Variants in PTPRD observed in about 807,000 individuals in gnomAD.
The protein encoded by PTPRD is receptor-type tyrosine-protein phosphatase delta.
A neutral mutation model predicts 214.5 loss-of-function variants in PTPRD; 34 were observed. The ratio of observed to expected loss-of-function variants is 0.16; its 90% CI spans 0.12 to 0.21. PTPRD has a LOEUF of 0.21. Ranked by LOEUF, PTPRD falls within the 10% of genes least tolerant of loss-of-function variation. The probability of loss-of-function intolerance (pLI) is 1.00; values close to 1 mark genes in which losing one functional copy is unlikely to be tolerated. For missense variants in PTPRD, 2,545 were observed against 2,398.7 expected (o/e 1.06, Z -1.27); for synonymous variants, 1,128 against 845.7 (o/e 1.33, Z -5.79).
chr9:10,216,621 T>A (rs2099542336), intron 3 of PTPRD, among the ~76,000 whole-genome samples: 1 of 152,022 alleles, frequency 6.6e-6, no homozygotes, highest in Non-Finnish European at 1.5e-5. Context: ...ATGTTTCTCC[T>A]ATAAATCCAC....
intron 14 of PTPRD, among the ~76,000 whole-genome samples, chr9:8,583,275 C>G (rs1348625040): frequency 1.3e-5 from 2 of 151,204 alleles, no homozygotes; most frequent in Non-Finnish European, 2.9e-5. Flanking sequence ...CAGTTCTTAA[C>G]AGGCCAGAGA....
chr9:10,295,005 A>C (rs565000466), intron 3 of PTPRD, among the ~76,000 whole-genome samples: 1 of 152,142 alleles, frequency 6.6e-6, no homozygotes, highest in Non-Finnish European at 1.5e-5. Context: ...TTCTCAATAC[A>C]GTTATGGTGA....
intron 11 of PTPRD, among the ~76,000 whole-genome samples, chr9:8,913,965 A>G (rs1003089749): frequency 6.6e-6 from 1 of 152,132 alleles, no homozygotes; most frequent in African/African-American, 2.4e-5. Flanking sequence ...TGCCAATGCA[A>G]TGGTGAGTGA....
chr9:8,340,418 T>G lies in PTPRD; in HGVS notation c.5178A>C (p.Glu1726Asp). The change falls in exon 42 of 46, where the codon GAA (glutamate) becomes GAC (aspartate). Residue 1726 changes from glutamate to aspartate, a missense_variant. By Grantham distance (45) the Glu-to-Asp change is conservative (BLOSUM62 2). Coordinates refer to ENST00000381196, the MANE Select transcript of PTPRD (RefSeq NM_002839.4). The part of the protein sequence containing the change: ...ATQGPLAETT[E>D]DFWRMLWEHN... ...GTTCCCAGAGCATCCGCCAGAAGTC[T>G]TCAGTGGTCTCTGCCAAGGGCCCCT... The G allele has an allele frequency of 6.2e-7, 1 of 1,609,516 alleles. No homozygotes were observed. The highest frequency in any genetic ancestry group is 8.5e-7 in the Non-Finnish European group (1 of 1,176,752).
chr9:9,164,209 T>C (rs2099896778), intron 10 of PTPRD, among the ~76,000 whole-genome samples: 1 of 152,156 alleles, frequency 6.6e-6, no homozygotes. Context: ...ATATACAAGA[T>C]AATCAATTTC....
intron 5 of PTPRD, among the ~76,000 whole-genome samples, chr9:9,809,502 T>C (rs1295657276): frequency 2.0e-5 from 3 of 152,000 alleles, no homozygotes; most frequent in Admixed American, 6.6e-5. Context: ...CTGACCTCGT[T>C]ATCCGCCTGC....
chr9:9,570,054 G>C (rs142662981), intron 8 of PTPRD, among the ~76,000 whole-genome samples: 1 of 151,380 alleles, frequency 6.6e-6, no homozygotes, highest in African/African-American at 2.4e-5. Context: ...TAACCCCACA[G>C]AACTGCACTT....
intron 14 of PTPRD, among the ~76,000 whole-genome samples, chr9:8,601,117 T>TATGGGC (rs1240335786): frequency 6.6e-6 from 1 of 152,118 alleles, no homozygotes; most frequent in African/African-American, 2.4e-5. Flanking sequence ...CAGTACTCCC[T>TATGGGC]ATGGGCCCGT....
intron 9 of PTPRD, among the ~76,000 whole-genome samples, chr9:9,333,287 G>T (rs2043023270): frequency 1.3e-5 from 2 of 151,548 alleles, no homozygotes; most frequent in Admixed American, 6.6e-5. Context: ...CAGAAAGGCA[G>T]AAAGAAGGCA....
At chr9:10,213,977 C>T (rs1362933320) in intron 3 of PTPRD, among the ~76,000 whole-genome samples, 2 of 152,070 alleles carry the variant, frequency 1.3e-5, no homozygotes, top group Non-Finnish European at 2.9e-5. Context: ...CCCTCCTTCC[C>T]TATTTCAATC....
In PTPRD at chr9:10,269,903, A is replaced by T. The variant is rs574795179; in HGVS notation, c.-545+71060T>A. On this transcript the variant is annotated intron_variant, in intron 3 of 45. Transcript: ENST00000381196. The stretch of plus-strand genomic sequence containing the variant: ...TAATTTTTTTCCTTAGTAAACGTTA[A>T]ATTTGACATCTAAACCCAAGTATGT... Among the ~76,000 whole-genome samples, 219 of 152,294 alleles carry T rather than the reference A, an allele frequency of 1.4e-3. 1 individual carries two copies. Among genetic ancestry groups the T allele is most frequent in the African/African-American group, 4.6e-3 (193 of 41,586 alleles).
intron 2 of PTPRD, among the ~76,000 whole-genome samples, chr9:10,471,089 G>A (rs1189180749): frequency 1.3e-5 from 2 of 152,034 alleles, no homozygotes; most frequent in Non-Finnish European, 2.9e-5. Context: ...AGCGGGAGTT[G>A]AACAATGAGA....
chr9:9,946,156 G>A (rs576322965), intron 4 of PTPRD, among the ~76,000 whole-genome samples: 7 of 147,416 alleles, frequency 4.7e-5, no homozygotes, highest in African/African-American at 1.8e-4. Flanking sequence ...TACCTTCTAA[G>A]ATAATAAGGC....
At chr9:9,861,592 A>G (rs2062793669) in intron 5 of PTPRD, among the ~76,000 whole-genome samples, 1 of 152,154 alleles carries the variant, frequency 6.6e-6, no homozygotes, top group Non-Finnish European at 1.5e-5. Context: ...CATGGCCGAA[A>G]TAGTTATTTT....
intron 8 of PTPRD, among the ~76,000 whole-genome samples, chr9:9,426,689 G>GT (rs2081070508): frequency 6.6e-6 from 1 of 152,102 alleles, no homozygotes; most frequent in African/African-American, 2.4e-5. Context: ...ATCTGGCTGG[G>GT]TGCCCCTCTG....
chr9:10,203,316 A>G (rs1045565243), intron 3 of PTPRD, among the ~76,000 whole-genome samples: 2 of 151,984 alleles, frequency 1.3e-5, no homozygotes, highest in African/African-American at 4.8e-5. Flanking sequence ...GCTTAAAATT[A>G]ACTAGTTTTC....
At chr9:10,109,295 A>G (rs2098667731) in intron 3 of PTPRD, among the ~76,000 whole-genome samples, 1 of 152,172 alleles carries the variant, frequency 6.6e-6, no homozygotes, top group Admixed American at 6.5e-5. Context: ...AAAGCTGATG[A>G]GTGATGTTAC....
At chr9:8,438,991 C>T (rs2095451269) in intron 34 of PTPRD, among the ~76,000 whole-genome samples, 1 of 152,186 alleles carries the variant, frequency 6.6e-6, no homozygotes, top group South Asian at 2.1e-4. Flanking sequence ...AGCAGACCTA[C>T]ATTGAGTCAT....
intron 5 of PTPRD, among the ~76,000 whole-genome samples, chr9:9,835,135 A>G (rs953701690): frequency 1.3e-5 from 2 of 152,086 alleles, no homozygotes; most frequent in Admixed American, 6.6e-5. Flanking sequence ...TATATCCTAG[A>G]TATCTAAATT....
Sources: gnomAD v4.1 joint callset for allele counts (sites outside exome capture counted in the v4.1 genomes callset) on GRCh38, gnomAD v4.1.1 for gene constraint, MANE v1.5 for transcripts, NCBI Gene and HGNC (gene_info 2026-07-23, HGNC 2026-07-21) for gene names.